Variants in SLC8A1 observed in about 807,000 individuals in gnomAD.
SLC8A1 encodes the protein solute carrier family 8 member A1, also known as sodium/calcium exchanger 1.
Under a neutral mutation model 68.3 loss-of-function variants are expected in SLC8A1, and 18 were observed. The observed-to-expected ratio is 0.26, with a 90% CI of 0.18 to 0.39. The LOEUF is 0.39. SLC8A1 is among the 10% of genes least tolerant of loss of function. The probability of loss-of-function intolerance (pLI) is 1.00; values close to 1 mark genes in which losing one functional copy is unlikely to be tolerated. For synonymous variants in SLC8A1, 475 were observed against 415.5 expected (o/e 1.14, Z -1.74); for missense variants, 985 against 1,156.7 (o/e 0.85, Z 2.15).
intron 2 of SLC8A1, 34 bp from the exon 3 acceptor site, chr2:40,178,527 G>A (rs2048883361): frequency 6.5e-7 from 1 of 1,541,258 alleles, no homozygotes; most frequent in Non-Finnish European, 9.0e-7. Flanking sequence ...CGAACAAGGG[G>A]AAGAGGAAAG....
chr2:40,283,070 A>G (rs1000948804), intron 2 of SLC8A1, among the ~76,000 whole-genome samples: 1 of 152,232 alleles, frequency 6.6e-6, no homozygotes, highest in African/African-American at 2.4e-5. Context: ...TTAATTAACT[A>G]TTCTACTAGA....
At chr2:40,147,546 G>C (rs1399389842) in intron 6 of SLC8A1, among the ~76,000 whole-genome samples, 2 of 152,148 alleles carry the variant, frequency 1.3e-5, no homozygotes, top group East Asian at 1.9e-4. Flanking sequence ...AAGTATGTGG[G>C]CACACCAGGT....
intron 1 of SLC8A1, among the ~76,000 whole-genome samples, chr2:40,468,473 C>T (rs554753920): frequency 6.6e-5 from 10 of 152,108 alleles, no homozygotes; most frequent in Non-Finnish European, 1.2e-4. Context: ...TTTAAATAAG[C>T]GCCTTCTGAA....
chr2:40,211,440 G>T (rs904797273), intron 2 of SLC8A1, among the ~76,000 whole-genome samples: 2 of 152,164 alleles, frequency 1.3e-5, no homozygotes, highest in African/African-American at 4.8e-5. Context: ...GGTATAGATG[G>T]GAAAGTCATC....
intron 2 of SLC8A1, among the ~76,000 whole-genome samples, chr2:40,258,289 C>T (rs1181455247): frequency 6.6e-6 from 1 of 152,204 alleles, no homozygotes; most frequent in Non-Finnish European, 1.5e-5. Flanking sequence ...TGGGTTCTAG[C>T]CACTGTGAGT....
exon 8 of SLC8A1, chr2:40,098,222 T>C (rs1477002921): frequency 2.6e-5 from 4 of 152,048 alleles, no homozygotes; most frequent in Admixed American, 6.6e-5. Context: ...TGAGTGTACA[T>C]TGAATCACAG....
chr2:40,189,787 GA>G (rs2051411996), intron 2 of SLC8A1: 1 of 152,142 alleles, frequency 6.6e-6, no homozygotes, highest in African/African-American at 2.4e-5. Context: ...TTCTTCTATG[GA>G]TGAGCTACTT....
intron 2 of SLC8A1, among the ~76,000 whole-genome samples, chr2:40,228,885 G>A (rs965236191): frequency 6.6e-6 from 1 of 152,068 alleles, no homozygotes; most frequent in Non-Finnish European, 1.5e-5. Flanking sequence ...TGATTATATG[G>A]AAGTTATTCA....
Position 40,406,544 on chromosome 2 carries a change from T to C in SLC8A1, c.1808+21929A>G, listed in dbSNP as rs1402607776. The stretch of plus-strand genomic sequence containing the variant: ...CAAGTGAGGGTAGGAAAATGGGCCA[T>C]CACACGATCTAAGGTGAAGGCTAAG... On this transcript the variant is annotated intron_variant, in intron 2 of 7. Transcript: ENST00000406785. 3.9e-5 allele frequency among the ~76,000 whole-genome samples: 6 copies of C among 152,158 alleles called. No individual in the cohort carries two copies. In the South Asian group the frequency reaches 8.3e-4, roughly 21 times the overall value.
chr2:40,399,409 TA>T (rs1688005077), intron 2 of SLC8A1, among the ~76,000 whole-genome samples: 1 of 152,042 alleles, frequency 6.6e-6, no homozygotes, highest in South Asian at 2.1e-4. Flanking sequence ...CCAGGTAGAT[TA>T]TGGCCACTGC....
chr2:40,196,442 A>G (rs992375630), intron 2 of SLC8A1, among the ~76,000 whole-genome samples: 7 of 152,094 alleles, frequency 4.6e-5, no homozygotes, highest in African/African-American at 1.4e-4. Flanking sequence ...AAGGAACATA[A>G]TATTAGACCA....
At chr2:40,498,062 A>G (rs11897805) in intron 1 of SLC8A1, among the ~76,000 whole-genome samples, 51,291 of 151,850 alleles carry the variant, frequency 0.34, 8,814 homozygotes, top group Non-Finnish European at 0.37. Flanking sequence ...ACACTTAAGT[A>G]AAAAAGGGGA....
intron 2 of SLC8A1, among the ~76,000 whole-genome samples, chr2:40,341,182 C>T (rs1667576382): frequency 6.6e-6 from 1 of 152,128 alleles, no homozygotes; most frequent in South Asian, 2.1e-4. Context: ...TATTTTTTTA[C>T]ATACGGGAGT....
chr2:40,315,722 G>A (rs781361654), intron 2 of SLC8A1, among the ~76,000 whole-genome samples: 2 of 151,962 alleles, frequency 1.3e-5, no homozygotes, highest in Non-Finnish European at 2.9e-5. Flanking sequence ...TTTTCATGTA[G>A]CTAAAGTGCA....
At chr2:40,150,534 C>G (rs1428073700) in intron 6 of SLC8A1, among the ~76,000 whole-genome samples, 4 of 152,168 alleles carry the variant, frequency 2.6e-5, no homozygotes, top group Non-Finnish European at 5.9e-5. Flanking sequence ...CACATTGCAG[C>G]AGCCCATGCC....
exon 2 of SLC8A1, chr2:40,429,245 T>C (rs879057351): frequency 8.7e-6 from 14 of 1,613,892 alleles, no homozygotes; most frequent in Non-Finnish European, 1.2e-5. Flanking sequence ...GCTAATTCTA[T>C]TAATTGCTCT....
chr2:40,111,989 A>G (rs1052635929), exon 8 of SLC8A1: 1 of 152,184 alleles, frequency 6.6e-6, no homozygotes, highest in Non-Finnish European at 1.5e-5. Flanking sequence ...TGTCCAACAT[A>G]TATCTCAGCA....
chr2:40,438,536 A>G (rs1161918905), intron 1 of SLC8A1, among the ~76,000 whole-genome samples: 1 of 152,170 alleles, frequency 6.6e-6, no homozygotes, highest in African/African-American at 2.4e-5. Context: ...CCCTGTACTT[A>G]CTAAATTTAC....
chr2:40,429,909 C>T, exon 2 of SLC8A1: 6 of 1,613,534 alleles, frequency 3.7e-6, no homozygotes, highest in Non-Finnish European at 5.1e-6. Flanking sequence ...TCACAGTTGT[C>T]TTGGTGGTCT....
Sources: allele counts gnomAD v4.1 joint callset (sites outside exome capture counted in the v4.1 genomes callset), GRCh38; gene constraint gnomAD v4.1.1; transcripts MANE v1.5; gene names NCBI Gene and HGNC (gene_info 2026-07-23, HGNC 2026-07-21).